The following SGCD variants were observed in gnomAD, a reference collection of about 807,000 sequenced individuals.
SGCD encodes delta-sarcoglycan.
SGCD carries 18 observed loss-of-function variants against 36.6 expected under a neutral mutation model. The observed-to-expected ratio is 0.49, with a 90% confidence interval of 0.34 to 0.73. The LOEUF (loss-of-function observed/expected upper bound fraction) is 0.73, where lower values mean the gene tolerates loss of function less well. Ranked by LOEUF, SGCD falls within the 30% of genes least tolerant of loss-of-function variation. The pLI is 0.01. For missense variants in SGCD, 387 were observed against 346.7 expected, an observed-to-expected ratio of 1.12 and a Z score of -0.92; for synonymous variants, 133 against 130.6, an observed-to-expected ratio of 1.02 and a Z score of -0.12.
rs1321072463 is a variant in SGCD at position 156,608,762 on chromosome 5, A to C, written c.502+13711A>C. Among the ~76,000 whole-genome samples, 66 of 151,318 alleles carry C rather than the reference A, an allele frequency of 4.4e-4. No individual in the cohort carries two copies. In the South Asian group the frequency reaches 0.012, roughly 27 times the overall value. ...GTGCCTATATATTTAGGATAGTTAG[A>C]TCTTCTTGTTGAATTGATCCCTTTA... is the stretch of plus-strand genomic sequence containing the variant. On this transcript the variant is annotated intron_variant, in intron 6 of 8. Transcript: ENST00000337851.
intron 1 of SGCD, among the ~76,000 whole-genome samples, chr5:156,105,386 G>T: frequency 6.6e-6 from 1 of 152,164 alleles, no homozygotes; most frequent in East Asian, 1.9e-4. Context: ...GCAGACTTAT[G>T]AAGCCAATTA....
At chr5:155,743,242 A>G in the SGCD span, among the ~76,000 whole-genome samples, 1 of 152,210 alleles carries the variant, frequency 6.6e-6, no homozygotes, top group African/African-American at 2.4e-5. Flanking sequence ...ACCAGCCCCC[A>G]TGCTGAGGCT....
chr5:156,244,799 C>G (rs146080760), intron 3 of SGCD, among the ~76,000 whole-genome samples: 1 of 152,138 alleles, frequency 6.6e-6, no homozygotes, highest in Admixed American at 6.6e-5. Context: ...GTATTTTAAA[C>G]TATAACAGAA....
intron 3 of SGCD, among the ~76,000 whole-genome samples, chr5:156,413,590 C>T (rs1340360882): frequency 6.6e-6 from 1 of 152,188 alleles, no homozygotes; most frequent in Non-Finnish European, 1.5e-5. Flanking sequence ...AGTTCTCCTG[C>T]CTCAGCCACC....
intron 3 of SGCD, among the ~76,000 whole-genome samples, chr5:156,453,546 CA>C (rs1754119650): frequency 6.6e-6 from 1 of 152,132 alleles, no homozygotes; most frequent in Non-Finnish European, 1.5e-5. Flanking sequence ...GATGCTCAAC[CA>C]GGGGTGGTTT....
intron 1 of SGCD, among the ~76,000 whole-genome samples, chr5:155,929,041 T>C (rs1048445875): frequency 1.3e-5 from 2 of 152,166 alleles, no homozygotes; most frequent in African/African-American, 4.8e-5. Flanking sequence ...TACAGAAGGG[T>C]ATAAAGTGAA....
chr5:156,173,360 A>T (rs76220680), intron 3 of SGCD, among the ~76,000 whole-genome samples: 2,220 of 152,318 alleles, frequency 0.015, 25 homozygotes, highest in Non-Finnish European at 0.024. Flanking sequence ...GATTTTGATG[A>T]TAGCAACAGT....
chr5:156,219,263 T>G (rs1171175476), intron 3 of SGCD, among the ~76,000 whole-genome samples: 1 of 152,218 alleles, frequency 6.6e-6, no homozygotes, highest in Non-Finnish European at 1.5e-5. Context: ...AAGTATCATA[T>G]AAGGATAGAA....
chr5:156,393,819 G>A (rs1771712578), intron 3 of SGCD: 1 of 456,306 alleles, frequency 2.2e-6, no homozygotes. Flanking sequence ...AGAGGAGCCA[G>A]AACCAGGAGC....
rs563164519 is a variant in SGCD, at chr5:156,017,369, T to A, written c.-281-100509T>A. 2.6e-5 allele frequency among the ~76,000 whole-genome samples: 4 copies of A among 152,236 alleles called. No individual in the cohort carries two copies. In the South Asian group the frequency reaches 8.3e-4, roughly 32 times the overall value. On this transcript the variant is annotated intron_variant, in intron 1 of 9. Coordinates refer to the SGCD transcript ENST00000517913. ...TATGTAGGCAAATGCATCAATTTTT[T>A]AAAATTGCAACTGAATTGTAAATCA... is the stretch of plus-strand genomic sequence containing the variant.
At chr5:156,284,484 G>A (rs1766541122) in intron 3 of SGCD, among the ~76,000 whole-genome samples, 1 of 152,012 alleles carries the variant, frequency 6.6e-6, no homozygotes, top group African/African-American at 2.4e-5. Context: ...ATGACCAAGT[G>A]GGCTTCATCC....
At chr5:155,742,608 C>T in the SGCD span, among the ~76,000 whole-genome samples, 2 of 152,222 alleles carry the variant, frequency 1.3e-5, no homozygotes, top group South Asian at 2.1e-4. Context: ...CAAGCCTCAA[C>T]GTAGATTACC....
chr5:156,269,094 C>T (rs558568568), intron 3 of SGCD, among the ~76,000 whole-genome samples: 44 of 152,002 alleles, frequency 2.9e-4, no homozygotes, highest in Middle Eastern at 3.4e-3. Context: ...AGCATCATGT[C>T]GGGAGGTAAA....
chr5:156,032,814 A>G (rs1352901691), intron 1 of SGCD, among the ~76,000 whole-genome samples: 1 of 151,300 alleles, frequency 6.6e-6, no homozygotes, highest in Non-Finnish European at 1.5e-5. Flanking sequence ...TCACATCTGT[A>G]ATTGTAGCAC....
intron 3 of SGCD, among the ~76,000 whole-genome samples, chr5:156,295,236 T>A (rs1365864827): frequency 6.6e-6 from 1 of 152,210 alleles, no homozygotes; most frequent in Admixed American, 6.5e-5. Context: ...GTCCATTTTC[T>A]ATAGGTCATC....
intron 6 of SGCD, among the ~76,000 whole-genome samples, chr5:156,625,088 CCTAT>C (rs1419208086): frequency 6.6e-6 from 1 of 152,174 alleles, no homozygotes; most frequent in African/African-American, 2.4e-5. Context: ...AGCGATGGCA[CCTAT>C]GCCTCTCAGT....
At chr5:155,964,618 C>A (rs1011356738) in intron 1 of SGCD, among the ~76,000 whole-genome samples, 1 of 152,102 alleles carries the variant, frequency 6.6e-6, no homozygotes, top group African/African-American at 2.4e-5. Context: ...TGAGCCACCA[C>A]AACTGGCTGT....
intron 1 of SGCD, among the ~76,000 whole-genome samples, chr5:155,899,115 A>G (rs1580979066): frequency 6.6e-6 from 1 of 152,216 alleles, no homozygotes; most frequent in Non-Finnish European, 1.5e-5. Context: ...ATTAAACAAC[A>G]CTGAAGAGAA....
chr5:156,283,177 G>T (rs370537874), intron 3 of SGCD, among the ~76,000 whole-genome samples: 1 of 152,198 alleles, frequency 6.6e-6, no homozygotes, highest in South Asian at 2.1e-4. Context: ...AGAGGAGGAT[G>T]GGCAGGGTTT....
Sources: allele counts gnomAD v4.1 joint callset (sites outside exome capture counted in the v4.1 genomes callset), GRCh38; gene constraint gnomAD v4.1.1; transcripts MANE v1.5; gene names NCBI Gene and HGNC (gene_info 2026-07-23, HGNC 2026-07-21).